Variants in MAST4 observed in about 807,000 individuals in gnomAD.
MAST4 encodes the protein microtubule-associated serine/threonine-protein kinase 4.
A neutral mutation model predicts 162.7 loss-of-function variants in MAST4; 89 were observed. That is an observed-to-expected ratio of 0.55 (90% CI 0.46 to 0.65). MAST4 has a LOEUF of 0.65. MAST4 is among the 30% of genes least tolerant of loss of function. The probability of loss-of-function intolerance (pLI) is 0.00; values close to 1 mark genes in which losing one functional copy is unlikely to be tolerated. For synonymous variants in MAST4, 1,479 were observed against 1,361.1 expected (o/e 1.09, Z -1.91); for missense variants, 3,153 against 3,374.0 (o/e 0.93, Z 1.62).
chr5:66,839,019 T>C (rs190792144), intron 3 of MAST4, among the ~76,000 whole-genome samples: 2 of 152,154 alleles, frequency 1.3e-5, no homozygotes, highest in Non-Finnish European at 2.9e-5. Flanking sequence ...CAGCTAGGAA[T>C]TTAGAAATGA....
Position 67,139,578 on chromosome 5 carries a change from A to G in MAST4, c.2495-2537A>G, listed in dbSNP as rs539554149. Among the ~76,000 whole-genome samples the G allele has an allele frequency of 2.0e-5, 3 of 152,326 alleles. 1 individual carries two copies. In the South Asian group the frequency reaches 6.2e-4, roughly 32 times the overall value. On this transcript the variant is annotated intron_variant, in intron 19 of 28. Coordinates refer to ENST00000403625, the MANE Select transcript of MAST4 (RefSeq NM_001164664.2). ...TAGTCTATGGAAATGGGCATTTTAT[A>G]TACTTCACAGGATTATTGTGAGGAG... is the stretch of plus-strand genomic sequence containing the variant.
chr5:67,164,117 GGAT>G lies in MAST4; in HGVS notation c.4940_4942del (p.Asp1647del), dbSNP rs1773574513. 6.3e-7 allele frequency: 1 copy of G among 1,595,306 alleles called. No individual in the cohort carries two copies. The highest frequency in any genetic ancestry group is 8.5e-7 in the Non-Finnish European group (1 of 1,170,418). ...GGGCCCCCGCTCCTGGCACCCTCCA[GGAT>G]GGTCTCTGCCACTCCCTCGACAGGG... On this transcript the variant is annotated inframe_deletion, in exon 29 of 29. Transcript: ENST00000403625. The surrounding 1 kb of genome is among the most constrained non-coding windows in gnomAD (Gnocchi z 5.3).
chr5:66,863,799 A>G (rs1043918470), intron 3 of MAST4, among the ~76,000 whole-genome samples: 1 of 152,248 alleles, frequency 6.6e-6, no homozygotes. Context: ...TGAATGCTTT[A>G]CTGAAAAAAG....
intron 3 of MAST4, chr5:66,828,810 T>G: frequency 6.2e-7 from 1 of 1,601,394 alleles, no homozygotes; most frequent in African/African-American, 1.3e-5. Flanking sequence ...ATGGCTAGAC[T>G]GTTGTGAGAG....
chr5:66,924,974 G>A (rs550191980), intron 4 of MAST4, among the ~76,000 whole-genome samples: 37 of 152,152 alleles, frequency 2.4e-4, no homozygotes, highest in African/African-American at 8.7e-4. Flanking sequence ...AGCATGGATC[G>A]TTTTTTCTGA....
intron 1 of MAST4, among the ~76,000 whole-genome samples, chr5:66,706,372 A>G (rs1750126635): frequency 6.6e-6 from 1 of 152,094 alleles, no homozygotes; most frequent in Admixed American, 6.5e-5. Flanking sequence ...CAAACCCACC[A>G]TTATTCATAA....
Position 66,915,999 on chromosome 5 carries a change from C to T in MAST4, c.674+16017C>T, listed in dbSNP as rs369617298. Among the ~76,000 whole-genome samples, 22 of 152,348 alleles carry T rather than the reference C, an allele frequency of 1.4e-4. No individual in the cohort carries two copies. In the East Asian group the frequency reaches 2.5e-3, roughly 17 times the overall value. On this transcript the variant is annotated intron_variant, in intron 4 of 28. Transcript: ENST00000403625. The stretch of plus-strand genomic sequence containing the variant: ...CCTGCGTTGTCCAGTGCAGCAGCCA[C>T]TAGCCACATGTGGCTCTCAAGCTCT...
chr5:66,813,720 T>G (rs1459585898), intron 3 of MAST4, among the ~76,000 whole-genome samples: 1 of 152,274 alleles, frequency 6.6e-6, no homozygotes, highest in Non-Finnish European at 1.5e-5. Context: ...ATATTTCACC[T>G]AATGAGAAGA....
rs549926765 is a variant in MAST4, at chr5:66,836,831, G to T, written c.642+48037G>T. On this transcript the variant is annotated intron_variant, in intron 3 of 28. Coordinates refer to ENST00000403625, the MANE Select transcript of MAST4 (RefSeq NM_001164664.2). ...GGGTGAGGACAAAAAAATGACATAG[G>T]GGGTGCTATGCTTATTACCTGGGTT... Among the ~76,000 whole-genome samples, 22 of 152,094 alleles carry T rather than the reference G, an allele frequency of 1.4e-4. No homozygotes were observed. The South Asian group carries it at 4.6e-3, about 32-fold the overall frequency.
At position 67,165,402 on chromosome 5, in the gene MAST4, G is replaced by C; in HGVS notation, c.6223G>C (p.Val2075Leu). The change falls in exon 29 of 29, where the codon GTG becomes CTG. Residue 2075 changes from valine (V) to leucine (L), a missense_variant. Physicochemically the swap from Val to Leu is conservative, Grantham distance 32. Around this residue, in one of 7 missense-constraint regions of MAST4, gnomAD observed 1,644 missense variants for 1,495.0 expected, o/e 1.10. Coordinates refer to ENST00000403625, the MANE Select transcript of MAST4 (RefSeq NM_001164664.2). The part of the protein sequence containing the change: ...GIPCEKELGK[V>L]RRGVEPKPEA... Reference sequence around the variant, plus strand: ...TCCCTGTGAGAAGGAGCTGGGCAAGGTGAGGCGTGGCGTGGAACCCAAGCC... The same window carrying C: ...TCCCTGTGAGAAGGAGCTGGGCAAGCTGAGGCGTGGCGTGGAACCCAAGCC... 1 of 1,613,862 alleles carries C rather than the reference G, an allele frequency of 6.2e-7. No individual in the cohort carries two copies. Among genetic ancestry groups the C allele is most frequent in the East Asian group, 2.2e-5 (1 of 44,882 alleles).
chr5:66,644,646 A>T (rs1228575552), intron 1 of MAST4, among the ~76,000 whole-genome samples: 3 of 152,256 alleles, frequency 2.0e-5, no homozygotes, highest in African/African-American at 7.2e-5. Context: ...ATCCAAACTG[A>T]CACTATACAG....
At chr5:67,135,226 A>C (rs1171980540) in intron 18 of MAST4, among the ~76,000 whole-genome samples, 1 of 152,232 alleles carries the variant, frequency 6.6e-6, no homozygotes, top group Non-Finnish European at 1.5e-5. Context: ...TTATGGCGTA[A>C]TGTTATTTCT....
chr5:67,129,066 C>T (rs1003576177), intron 14 of MAST4, among the ~76,000 whole-genome samples: 3 of 152,142 alleles, frequency 2.0e-5, no homozygotes, highest in Admixed American at 6.5e-5. Flanking sequence ...ACATAATTGG[C>T]TCTATAAAGT....
At chr5:67,034,135 T>C (rs1755723165) in intron 4 of MAST4, among the ~76,000 whole-genome samples, 1 of 152,174 alleles carries the variant, frequency 6.6e-6, no homozygotes, top group African/African-American at 2.4e-5. Flanking sequence ...CTATATCTTT[T>C]GTTGTGTTGT....
At position 67,054,412 on chromosome 5, in the gene MAST4, C is replaced by T; in HGVS notation, c.683C>T (p.Thr228Ile). 1 of 1,605,430 alleles carries T rather than the reference C, an allele frequency of 6.2e-7. No individual in the cohort carries two copies. Among genetic ancestry groups the T allele is most frequent in the Non-Finnish European group, 8.5e-7 (1 of 1,176,208 alleles). The change falls in exon 5 of 29, where the codon ACA (threonine) becomes ATA (isoleucine). Residue 228 changes from threonine to isoleucine, a missense_variant. By Grantham distance (89) the Thr-to-Ile change is moderately conservative. Transcript: ENST00000403625. Reference protein sequence around the residue: ...SLPRRGSFCRTSNRKSLIGNG... With the variant: ...SLPRRGSFCRISNRKSLIGNG... ...TTCTTTCTTTTTGATAGTTGCCGAA[C>T]AAGCAACCGGAAAAGCTTAATAGGC...
intron 1 of MAST4, among the ~76,000 whole-genome samples, chr5:66,619,977 G>A (rs1161020473): frequency 6.7e-6 from 1 of 149,672 alleles, no homozygotes; most frequent in African/African-American, 2.5e-5. Context: ...TGGAATATAT[G>A]GGATATATAT....
At chr5:67,124,042 A>T (rs887307622) in intron 14 of MAST4, among the ~76,000 whole-genome samples, 1 of 152,178 alleles carries the variant, frequency 6.6e-6, no homozygotes, top group Non-Finnish European at 1.5e-5. Flanking sequence ...CTAGACATTC[A>T]TGCTCGCTAT....
chr5:66,856,606 T>C (rs1161339462), intron 3 of MAST4, among the ~76,000 whole-genome samples: 1 of 152,232 alleles, frequency 6.6e-6, no homozygotes, highest in Non-Finnish European at 1.5e-5. Context: ...AGATTAGAAG[T>C]TCCTGTGTGT....
At chr5:67,009,404 G>A (rs1030769535) in intron 4 of MAST4, among the ~76,000 whole-genome samples, 1 of 152,190 alleles carries the variant, frequency 6.6e-6, no homozygotes, top group African/African-American at 2.4e-5. Flanking sequence ...TATTGCTGAA[G>A]CAGAGAGTTG....
Sources: allele counts gnomAD v4.1 joint callset (sites outside exome capture counted in the v4.1 genomes callset), GRCh38; gene constraint gnomAD v4.1.1; regional missense constraint gnomAD v4.1.1; non-coding constraint Gnocchi (gnomAD v3.1); transcripts MANE v1.5; gene names NCBI Gene and HGNC (gene_info 2026-07-23, HGNC 2026-07-21).